The following BMPER variants were observed in gnomAD, a reference collection of about 807,000 sequenced individuals.
BMPER encodes BMP-binding endothelial regulator protein.
Under a neutral mutation model 87.3 loss-of-function variants are expected in BMPER, and 45 were observed. The ratio of observed to expected loss-of-function variants is 0.52; its 90% CI spans 0.41 to 0.66. The LOEUF is 0.66. Ranked by LOEUF, BMPER falls within the 30% of genes least tolerant of loss-of-function variation. The probability of loss-of-function intolerance (pLI) is 0.00; values close to 1 mark genes in which losing one functional copy is unlikely to be tolerated. For synonymous variants in BMPER, 326 were observed against 316.2 expected, an observed-to-expected ratio of 1.03 and a Z score of -0.33; for missense variants, 784 against 867.5, an observed-to-expected ratio of 0.90 and a Z score of 1.21.
intron 2 of BMPER, among the ~76,000 whole-genome samples, chr7:33,926,794 C>T (rs892079932): frequency 5.9e-5 from 9 of 152,238 alleles, no homozygotes; most frequent in South Asian, 2.1e-4. Flanking sequence ...ATTTTCAGTT[C>T]TGCGAACTTC....
intron 3 of BMPER, among the ~76,000 whole-genome samples, chr7:33,946,635 T>C (rs1784900796): frequency 6.6e-6 from 1 of 152,184 alleles, no homozygotes; most frequent in Non-Finnish European, 1.5e-5. Context: ...AAGTTTTTGT[T>C]TGTTTGTTGA....
chr7:34,089,070 G>A (rs183145707), intron 13 of BMPER, among the ~76,000 whole-genome samples: 12 of 152,194 alleles, frequency 7.9e-5, no homozygotes, highest in Non-Finnish European at 1.8e-4. Flanking sequence ...GTAAATTTTT[G>A]CTGGTACATT....
At chr7:34,056,618 T>C (rs1353146414) in intron 9 of BMPER, among the ~76,000 whole-genome samples, 1 of 118,072 alleles carries the variant, frequency 8.5e-6, no homozygotes, top group South Asian at 2.5e-4. Context: ...GCAATGCACT[T>C]TTTTTTTTTT....
intron 3 of BMPER, among the ~76,000 whole-genome samples, chr7:33,938,756 T>G (rs1006151706): frequency 6.6e-6 from 1 of 152,216 alleles, no homozygotes; most frequent in Non-Finnish European, 1.5e-5. Context: ...TTGGGCATGG[T>G]GGCTCACACC....
chr7:33,914,700 A>C (rs2128602674), intron 2 of BMPER, among the ~76,000 whole-genome samples: 1 of 152,316 alleles, frequency 6.6e-6, no homozygotes, highest in South Asian at 2.1e-4. Context: ...GTCTAAATTG[A>C]GATTTTAAAA....
chr7:33,942,677 A>G (rs905489472), intron 3 of BMPER, among the ~76,000 whole-genome samples: 4 of 152,204 alleles, frequency 2.6e-5, no homozygotes, highest in Non-Finnish European at 5.9e-5. Context: ...GCTGATAGTC[A>G]TTACCTATCC....
chr7:34,026,982 T>G (rs567682710), intron 6 of BMPER, among the ~76,000 whole-genome samples: 64 of 152,222 alleles, frequency 4.2e-4, no homozygotes, highest in African/African-American at 1.5e-3. Flanking sequence ...GGCATCGCAG[T>G]CTGCAAAGTG....
At chr7:33,937,611 A>G (rs185465593) in intron 3 of BMPER, 1 of 557,204 alleles carries the variant, frequency 1.8e-6, no homozygotes, top group Non-Finnish European at 3.2e-6. Context: ...GGATGAAAGT[A>G]TGTGAGCATC....
At position 34,086,102 on chromosome 7, in the gene BMPER, G is replaced by A. The variant is rs780676967; in HGVS notation, c.1745+10G>A. The A allele has an allele frequency of 1.9e-6, 3 of 1,612,950 alleles. No individual in the cohort carries two copies. ...ACGCCACTTTCTACCGGTAAGTACA[G>A]TGTTCTGGGGAATGGTTTTGGGTTG... On this transcript the variant is annotated intron_variant, in intron 13 of 14. Transcript: ENST00000649409.
rs764743002 is a variant in BMPER, at chr7:34,086,083, C to T, written c.1736C>T (p.Thr579Ile). 1 of 1,613,912 alleles carries T rather than the reference C, an allele frequency of 6.2e-7. No individual in the cohort carries two copies. The highest frequency in any genetic ancestry group is 2.2e-5 in the East Asian group (1 of 44,870). ...QTCHSTVDYA[T>I]FYRSCVTDMC... ...TGCCACTCGACTGTGGACTACGCCA[C>T]TTTCTACCGGTAAGTACAGTGTTCT... Residue 579 changes from threonine to isoleucine, a missense_variant, in exon 13 of 15, where the codon ACT (threonine) becomes ATT (isoleucine). Thr to Ile is a moderately conservative substitution (Grantham distance 89). Coordinates refer to ENST00000649409, the MANE Select transcript of BMPER (RefSeq NM_001365308.1).
At chr7:34,132,007 C>A (rs1464636992) in intron 13 of BMPER, among the ~76,000 whole-genome samples, 2 of 152,050 alleles carry the variant, frequency 1.3e-5, no homozygotes, top group African/African-American at 2.4e-5. Flanking sequence ...TTTTCATTTA[C>A]CTTCTGAGAA....
intron 7 of BMPER, among the ~76,000 whole-genome samples, chr7:34,049,549 G>A (rs113141633): frequency 5.3e-5 from 8 of 152,118 alleles, no homozygotes; most frequent in Non-Finnish European, 1.2e-4. Flanking sequence ...AACTCTAAGC[G>A]GTAGAAGGGC....
intron 9 of BMPER, 59 bp from the exon 10 acceptor site, chr7:34,057,998 CTG>C: frequency 2.1e-6 from 3 of 1,462,212 alleles, no homozygotes; most frequent in Non-Finnish European, 2.9e-6. Context: ...AGGTTACAGT[CTG>C]TTGCCTCAAC....
intron 6 of BMPER, among the ~76,000 whole-genome samples, chr7:33,990,725 C>G (rs1786186247): frequency 7.6e-6 from 1 of 131,950 alleles, no homozygotes; most frequent in Non-Finnish European, 1.6e-5. Context: ...CAGTTTTTGC[C>G]CATTCAGTAT....
At chr7:34,070,409 T>A (rs1008739970) in intron 11 of BMPER, among the ~76,000 whole-genome samples, 1 of 152,198 alleles carries the variant, frequency 6.6e-6, no homozygotes, top group Non-Finnish European at 1.5e-5. Flanking sequence ...TCAGGTTTGC[T>A]TGATTGTCTT....
chr7:34,135,990 G>T (rs1041393794), intron 13 of BMPER, among the ~76,000 whole-genome samples: 1 of 152,154 alleles, frequency 6.6e-6, no homozygotes, highest in African/African-American at 2.4e-5. Flanking sequence ...CCAGATGAAG[G>T]TTATGAAATC....
At chr7:34,129,630 G>GAGAAAGAGAGAAAGAGAGAAAGAAAGAA (rs1790515715) in intron 13 of BMPER, among the ~76,000 whole-genome samples, 16 of 56,308 alleles carry the variant, frequency 2.8e-4, no homozygotes, top group African/African-American at 1.0e-3. Context: ...GAGAGAAAGA[G>GAGAAAGAGAGAAAGAGAGAAAGAAAGAA]AGAAAGAAAG....
chr7:34,040,878 G>A (rs1787814468), intron 6 of BMPER, among the ~76,000 whole-genome samples: 1 of 151,640 alleles, frequency 6.6e-6, no homozygotes, highest in Non-Finnish European at 1.5e-5. Context: ...AAAGGAAAAA[G>A]CCCTGGAGGC....
At chr7:34,087,806 T>C (rs544556935) in intron 13 of BMPER, among the ~76,000 whole-genome samples, 53 of 152,358 alleles carry the variant, frequency 3.5e-4, no homozygotes, top group African/African-American at 1.2e-3. Flanking sequence ...CTTTGATTTT[T>C]ATCCCATTTC....
Sources: gnomAD v4.1 joint callset for allele counts (sites outside exome capture counted in the v4.1 genomes callset) on GRCh38, gnomAD v4.1.1 for gene constraint, MANE v1.5 for transcripts, NCBI Gene and HGNC (gene_info 2026-07-23, HGNC 2026-07-21) for gene names.